Variants in TLN2 observed in about 807,000 individuals in gnomAD.
TLN2 encodes talin 2.
TLN2 carries 118 observed loss-of-function variants against 294.7 expected under a neutral mutation model. That is an observed-to-expected ratio of 0.40 (90% confidence interval 0.34 to 0.47). TLN2 has a LOEUF of 0.47. TLN2 is among the 20% of genes least tolerant of loss of function. The pLI, the probability that TLN2 is intolerant of heterozygous loss-of-function variation, is 0.84. For missense variants in TLN2, 3,083 were observed against 3,282.2 expected (o/e 0.94, Z 1.48); for synonymous variants, 1,431 against 1,304.5 (o/e 1.10, Z -2.09).
intron 2 of TLN2, among the ~76,000 whole-genome samples, chr15:62,608,049 C>G (rs1483591420): frequency 1.3e-5 from 2 of 152,128 alleles, no homozygotes; most frequent in African/African-American, 2.4e-5. Context: ...TTTGGCGTAT[C>G]TGAAGATTTG....
At chr15:62,675,735 A>C (rs1430450502) in intron 11 of TLN2, among the ~76,000 whole-genome samples, 1 of 152,192 alleles carries the variant, frequency 6.6e-6, no homozygotes, top group Non-Finnish European at 1.5e-5. Flanking sequence ...GTATACTTTA[A>C]GACAGGGCTT....
intron 1 of TLN2, among the ~76,000 whole-genome samples, chr15:62,437,991 G>A (rs2035374871): frequency 1.3e-5 from 2 of 152,266 alleles, no homozygotes; most frequent in African/African-American, 2.4e-5. Flanking sequence ...TCCCACTCTC[G>A]CCTCTGGTGG....
At chr15:62,463,029 C>G (rs1195642603) in intron 1 of TLN2, among the ~76,000 whole-genome samples, 1 of 152,158 alleles carries the variant, frequency 6.6e-6, no homozygotes, top group Non-Finnish European at 1.5e-5. Context: ...GGTACTTATT[C>G]CCCGTCAGAG....
chr15:62,832,683 T>C (rs558913869), intron 54 of TLN2: 1 of 152,164 alleles, frequency 6.6e-6, no homozygotes, highest in East Asian at 1.9e-4. Context: ...AAGCTCCACC[T>C]TGATGTCGTG....
At chr15:62,570,619 G>C (rs2043789295) in intron 1 of TLN2, among the ~76,000 whole-genome samples, 1 of 152,058 alleles carries the variant, frequency 6.6e-6, no homozygotes. Flanking sequence ...GCTTAAGCTA[G>C]TGTTTCTCAA....
At chr15:62,651,974 G>A (rs747464452) in intron 5 of TLN2, 31 bp from the exon 6 acceptor site, 1 of 1,548,232 alleles carries the variant, frequency 6.5e-7, no homozygotes, top group Admixed American at 1.9e-5. Flanking sequence ...TCCCCACACA[G>A]TGTGAAATTT....
At chr15:62,683,285 A>G (rs1306070444) in intron 11 of TLN2, among the ~76,000 whole-genome samples, 2 of 152,168 alleles carry the variant, frequency 1.3e-5, no homozygotes, top group Non-Finnish European at 2.9e-5. Context: ...GGCAATCTCT[A>G]CACCAGTGAA....
At chr15:62,750,567 T>G in intron 34 of TLN2, 76 bp downstream of exon 34, 1 of 1,257,208 alleles carries the variant, frequency 8.0e-7, no homozygotes, top group Non-Finnish European at 1.2e-6. Context: ...GTGCCTTCTG[T>G]GCATCTGCCT....
intron 3 of TLN2, among the ~76,000 whole-genome samples, chr15:62,623,533 G>C (rs1258404668): frequency 1.3e-5 from 2 of 152,126 alleles, no homozygotes; most frequent in African/African-American, 4.8e-5. Flanking sequence ...GACCTTTATG[G>C]AATGAGAATG....
intron 48 of TLN2, among the ~76,000 whole-genome samples, chr15:62,797,953 T>G (rs1285992302): frequency 2.0e-5 from 3 of 151,934 alleles, no homozygotes; most frequent in Admixed American, 6.6e-5. Context: ...TTAGGACCAC[T>G]TTACCGTGCA....
chr15:62,562,261 A>G (rs2043029940), intron 1 of TLN2, among the ~76,000 whole-genome samples: 1 of 152,154 alleles, frequency 6.6e-6, no homozygotes, highest in Non-Finnish European at 1.5e-5. Flanking sequence ...TTACCCATGT[A>G]TCTTGCTGCC....
intron 1 of TLN2, among the ~76,000 whole-genome samples, chr15:62,470,267 G>T (rs1385612426): frequency 6.6e-6 from 1 of 152,200 alleles, no homozygotes; most frequent in Non-Finnish European, 1.5e-5. Context: ...AGATTCCAGA[G>T]GTAGCTCTTT....
chr15:62,681,944 CG>C (rs1160922777), intron 11 of TLN2, among the ~76,000 whole-genome samples: 2 of 152,084 alleles, frequency 1.3e-5, no homozygotes, highest in Admixed American at 1.3e-4. Flanking sequence ...TTCTTAGAGA[CG>C]GGTCTCCTTA....
chr15:62,771,971 T>C (rs544247975), intron 42 of TLN2, among the ~76,000 whole-genome samples: 4 of 152,358 alleles, frequency 2.6e-5, no homozygotes, highest in African/African-American at 9.6e-5. Context: ...TTTCTTTTCT[T>C]TTTTTGAGAT....
chr15:62,649,176 T>G (rs1045658521), intron 4 of TLN2, among the ~76,000 whole-genome samples: 2 of 152,168 alleles, frequency 1.3e-5, no homozygotes, highest in Admixed American at 6.5e-5. Flanking sequence ...TTAGTAGTGT[T>G]TCTAGATTAC....
chr15:62,752,083 G>A (rs912031867), intron 34 of TLN2, among the ~76,000 whole-genome samples: 1 of 152,032 alleles, frequency 6.6e-6, no homozygotes, highest in African/African-American at 2.4e-5. Flanking sequence ...CTAACTGCTT[G>A]GAATACAGAT....
intron 38 of TLN2, 122 bp from the exon 39 acceptor site, chr15:62,762,150 C>T: frequency 8.6e-7 from 1 of 1,163,090 alleles, no homozygotes; most frequent in African/African-American, 1.5e-5. Context: ...TGGTTCCCTG[C>T]CCTCTTTGTC....
intron 3 of TLN2, chr15:62,644,947 C>T (rs1193930733): frequency 1.7e-5 from 4 of 237,480 alleles, no homozygotes; most frequent in African/African-American, 4.5e-5. Flanking sequence ...AGGGAACAGA[C>T]GATATTAACC....
At chr15:62,686,173 G>T (rs1450227979) in intron 11 of TLN2, among the ~76,000 whole-genome samples, 1 of 151,998 alleles carries the variant, frequency 6.6e-6, no homozygotes, top group Admixed American at 6.5e-5. Context: ...ATATTTCAGA[G>T]ATTTAAAAAA....
Sources: gnomAD v4.1 joint callset for allele counts (sites outside exome capture counted in the v4.1 genomes callset) on GRCh38, gnomAD v4.1.1 for gene constraint, MANE v1.5 for transcripts, NCBI Gene and HGNC (gene_info 2026-07-23, HGNC 2026-07-21) for gene names.